ZC3H12B: variants seen among roughly 807,000 people sequenced by gnomAD.
ZC3H12B encodes the protein probable ribonuclease ZC3H12B.
A neutral mutation model predicts 43.9 loss-of-function variants in ZC3H12B; 7 were observed. The observed-to-expected ratio is 0.16, with a 90% CI of 0.09 to 0.30. The LOEUF (loss-of-function observed/expected upper bound fraction) is 0.30, where lower values mean the gene tolerates loss of function less well. ZC3H12B is among the 10% of genes least tolerant of loss of function. The pLI is 1.00. For synonymous variants in ZC3H12B, 222 were observed against 241.7 expected (o/e 0.92, Z 0.76); for missense variants, 475 against 670.2 (o/e 0.71, Z 3.22).
the ZC3H12B span, among the ~76,000 whole-genome samples, chrX:65,321,422 A>C: frequency 8.9e-6 from 1 of 111,940 alleles, no homozygotes; most frequent in Non-Finnish European, 1.9e-5. Flanking sequence ...AAGGTTACAG[A>C]GGAAAAGGAA....
At chrX:65,096,351 C>T in the ZC3H12B span, among the ~76,000 whole-genome samples, 1 of 111,211 alleles carries the variant, frequency 9.0e-6, no homozygotes, top group Non-Finnish European at 1.9e-5. Flanking sequence ...GCACGTCCTG[C>T]ACATGTACCC....
intron 3 of ZC3H12B, among the ~76,000 whole-genome samples, chrX:65,471,587 A>T (rs779595668): frequency 9.3e-6 from 1 of 107,452 alleles, no homozygotes; most frequent in South Asian, 4.1e-4. Flanking sequence ...AGTAGCTGGG[A>T]TTACAGATAT....
At chrX:65,285,408 C>T in the ZC3H12B span, among the ~76,000 whole-genome samples, 12 of 110,417 alleles carry the variant, frequency 1.1e-4, no homozygotes, top group African/African-American at 3.6e-4. Context: ...CTTCCCCACA[C>T]CATATGATAA....
At chrX:65,358,100 A>G in the ZC3H12B span, among the ~76,000 whole-genome samples, 1 of 111,596 alleles carries the variant, frequency 9.0e-6, no homozygotes. Flanking sequence ...AAGACAAAGA[A>G]GGGCATTACA....
At chrX:65,332,565 A>T in the ZC3H12B span, among the ~76,000 whole-genome samples, 1 of 111,372 alleles carries the variant, frequency 9.0e-6, no homozygotes, top group Non-Finnish European at 1.9e-5. Flanking sequence ...TGAGTCCAGT[A>T]TGTGTTTAGA....
chrX:65,385,441 C>T (rs967105419), intron 2 of ZC3H12B, among the ~76,000 whole-genome samples: 5 of 111,284 alleles, frequency 4.5e-5, no homozygotes, highest in Admixed American at 3.8e-4. Flanking sequence ...CATGATTTGG[C>T]TGTCTGTTTG....
chrX:65,073,660 C>T, the ZC3H12B span, among the ~76,000 whole-genome samples: 15 of 112,259 alleles, frequency 1.3e-4, no homozygotes, highest in South Asian at 2.2e-3. Context: ...CTGGGCTCTA[C>T]GCCAACTGGA....
chrX:65,468,803 A>T lies in ZC3H12B; in HGVS notation n.408-19843A>T, dbSNP rs188445910. Among the ~76,000 whole-genome samples, 31 of 108,963 alleles carry T rather than the reference A, an allele frequency of 2.8e-4. No homozygotes were observed. In the East Asian group the frequency reaches 8.3e-3, roughly 29 times the overall value. The allele number at this position is 108,963 out of a possible 115,157, so 94.6% of individuals were successfully genotyped here. A position where few individuals can be genotyped will look rare whatever the true frequency, so the allele number is the denominator to read the frequency against. ...TGAAAAACGATGTTGGTATTTTTTG[A>T]TAGGAATTGCACTGAATCTGTAGAT... On this transcript the variant is annotated intron_variant and non_coding_transcript_variant, in intron 3 of 5. Transcript: ENST00000617377.
At chrX:65,359,493 TGGAATAAGTTGATTCCAA>T in the ZC3H12B span, among the ~76,000 whole-genome samples, 6 of 111,970 alleles carry the variant, frequency 5.4e-5, no homozygotes, top group Admixed American at 5.7e-4. Flanking sequence ...AACAGGAGTT[TGGAATAAGTTGATTCCAA>T]CCCCATGGAT....
intron 3 of ZC3H12B, among the ~76,000 whole-genome samples, chrX:65,409,610 T>C (rs905841350): frequency 2.0e-4 from 21 of 105,586 alleles, no homozygotes; most frequent in Non-Finnish European, 3.3e-4. Flanking sequence ...TTAGAACTGA[T>C]AAATTCAGTA....
At chrX:65,314,589 T>C in the ZC3H12B span, among the ~76,000 whole-genome samples, 2 of 111,782 alleles carry the variant, frequency 1.8e-5, no homozygotes, top group Non-Finnish European at 3.8e-5. Flanking sequence ...CAGAAAACAT[T>C]CTCAGAGAAA....
At chrX:65,203,519 T>G in the ZC3H12B span, among the ~76,000 whole-genome samples, 1 of 110,029 alleles carries the variant, frequency 9.1e-6, no homozygotes, top group South Asian at 3.9e-4. Context: ...GGTCTAGAAG[T>G]GTCATCTAGG....
At chrX:65,060,429 C>G in the ZC3H12B span, among the ~76,000 whole-genome samples, 1 of 112,049 alleles carries the variant, frequency 8.9e-6, no homozygotes, top group Non-Finnish European at 1.9e-5. Context: ...AATTTTATCA[C>G]ATGCTTTTTC....
the ZC3H12B span, among the ~76,000 whole-genome samples, chrX:65,048,223 A>G: frequency 9.0e-6 from 1 of 111,247 alleles, no homozygotes; most frequent in Non-Finnish European, 1.9e-5. Context: ...CCTGGATTGT[A>G]TGACTGGATA....
At position 65,493,822 on chromosome X, in the gene ZC3H12B, T is replaced by A. The variant is rs376629688; in HGVS notation, c.609-3310T>A. Among the ~76,000 whole-genome samples, 19 of 111,842 alleles carry A rather than the reference T, an allele frequency of 1.7e-4. No individual in the cohort carries two copies. In the East Asian group the frequency reaches 4.2e-3, roughly 25 times the overall value. On this transcript the variant is annotated intron_variant, in intron 1 of 4. Transcript: ENST00000338957. The stretch of plus-strand genomic sequence containing the variant: ...AGATTGCAAAAGGACATTGTATGTG[T>A]TTAAGCAAAAACAAGCCACTTGAAA...
chrX:65,412,056 A>T (rs1417825961), intron 3 of ZC3H12B, among the ~76,000 whole-genome samples: 1 of 111,484 alleles, frequency 9.0e-6, no homozygotes, highest in African/African-American at 3.3e-5. Context: ...TAATGTATTC[A>T]CAGTGTTGTG....
At chrX:65,462,817 G>A (rs963605663) in intron 3 of ZC3H12B, among the ~76,000 whole-genome samples, 33 of 112,261 alleles carry the variant, frequency 2.9e-4, no homozygotes, top group African/African-American at 9.1e-4. Flanking sequence ...ACGTGCACTC[G>A]CATGTTCATT....
the ZC3H12B span, among the ~76,000 whole-genome samples, chrX:65,295,580 A>G: frequency 1.7e-4 from 19 of 111,609 alleles, no homozygotes; most frequent in African/African-American, 6.2e-4. Context: ...AATTACGTTG[A>G]AACAAACAAA....
exon 5 of ZC3H12B, chrX:65,502,213 C>T (rs1274905457): frequency 8.3e-7 from 1 of 1,211,573 alleles, no homozygotes; most frequent in East Asian, 3.0e-5. Context: ...ACCAGAAGGC[C>T]TCTTTGGAGC....
Sources: gnomAD v4.1 joint callset for allele counts (sites outside exome capture counted in the v4.1 genomes callset) on GRCh38, gnomAD v4.1.1 for gene constraint, MANE v1.5 for transcripts, NCBI Gene and HGNC (gene_info 2026-07-23, HGNC 2026-07-21) for gene names.